The following MBTD1 variants were observed in gnomAD, a reference collection of about 807,000 sequenced individuals.
MBTD1 encodes the protein MBT domain-containing protein 1.
MBTD1 carries 24 observed loss-of-function variants against 87.8 expected under a neutral mutation model. That is an observed-to-expected ratio of 0.27 (90% CI 0.20 to 0.38). The LOEUF (loss-of-function observed/expected upper bound fraction) is 0.38. MBTD1 is among the 10% of genes least tolerant of loss of function. The pLI, the probability that MBTD1 is intolerant of heterozygous loss-of-function variation, is 1.00. For missense variants in MBTD1, 436 were observed against 760.2 expected (o/e 0.57, Z 5.02); for synonymous variants, 237 against 248.6 (o/e 0.95, Z 0.44).
intron 2 of MBTD1, among the ~76,000 whole-genome samples, chr17:51,239,622 T>G (rs1185957097): frequency 6.6e-6 from 1 of 152,148 alleles, no homozygotes; most frequent in South Asian, 2.1e-4. Context: ...GGCCAGAAAA[T>G]GCTTTTTTTG....
chr17:51,207,818 G>A (rs2051935793), intron 6 of MBTD1, among the ~76,000 whole-genome samples: 1 of 152,150 alleles, frequency 6.6e-6, no homozygotes, highest in African/African-American at 2.4e-5. Context: ...CAATTACTTG[G>A]AACTTATGCA....
intron 16 of MBTD1, chr17:51,184,240 A>C (rs1402826124): frequency 2.0e-5 from 3 of 152,228 alleles, no homozygotes; most frequent in Non-Finnish European, 1.5e-5. Context: ...AGGCCTTCTC[A>C]ATAAATGATG....
chr17:51,203,971 A>C (rs1408274498), intron 7 of MBTD1, 46 bp from the exon 8 acceptor site: 1 of 1,447,206 alleles, frequency 6.9e-7, no homozygotes, highest in Admixed American at 2.1e-5. Flanking sequence ...AATAAAATTA[A>C]ATAAAACAAT....
In MBTD1 at chr17:51,193,523, AC is replaced by A. The variant is rs754809706; in HGVS notation, c.1373-14del. The stretch of plus-strand genomic sequence containing the variant: ...AGTTTTGTGTAACCTAAAAAACACA[AC>A]TGGTTTAACTAGCAGTTCATTTAAA... On this transcript the variant is annotated splice_polypyrimidine_tract_variant and intron_variant, in intron 13 of 16. Transcript: ENST00000586178. The A allele has an allele frequency of 2.0e-5, 29 of 1,426,520 alleles. No homozygotes were observed. Among genetic ancestry groups the A allele is most frequent in the Non-Finnish European group, 2.9e-5 (29 of 1,014,492 alleles). The allele number at this position is 1,426,520 out of a possible 1,614,324, so 88.4% of individuals were successfully genotyped here.
chr17:51,202,125 CA>C, intron 10 of MBTD1, 48 bp from the exon 11 acceptor site: 6 of 1,152,228 alleles, frequency 5.2e-6, no homozygotes, highest in Non-Finnish European at 7.8e-6. Flanking sequence ...GTGAGAAGAC[CA>C]AAAACCACGT....
At chr17:51,194,274 A>G (rs565353295) in intron 13 of MBTD1, among the ~76,000 whole-genome samples, 1 of 152,334 alleles carries the variant, frequency 6.6e-6, no homozygotes, top group South Asian at 2.1e-4. Context: ...CCATCCTTTT[A>G]AAAGTCCACA....
At chr17:51,207,521 A>G (rs2143272931) in intron 6 of MBTD1, among the ~76,000 whole-genome samples, 1 of 152,342 alleles carries the variant, frequency 6.6e-6, no homozygotes, top group East Asian at 1.9e-4. Context: ...GTGAGGGAAA[A>G]GCACTGGATA....
At chr17:51,227,505 G>A (rs1285461311) in intron 2 of MBTD1, among the ~76,000 whole-genome samples, 1 of 151,742 alleles carries the variant, frequency 6.6e-6, no homozygotes, top group South Asian at 2.1e-4. Context: ...AGGCTGCAGT[G>A]AGCCACGATC....
At chr17:51,211,504 T>TAAA (rs35259426) in intron 6 of MBTD1, among the ~76,000 whole-genome samples, 41 of 135,194 alleles carry the variant, frequency 3.0e-4, no homozygotes, top group South Asian at 2.2e-3. Context: ...TGAGACTGTT[T>TAAA]AAAAAAAAAA....
At chr17:51,253,737 TAAA>T (rs1161363368) in intron 2 of MBTD1, among the ~76,000 whole-genome samples, 1 of 152,060 alleles carries the variant, frequency 6.6e-6, no homozygotes, top group Non-Finnish European at 1.5e-5. Context: ...GTGACAAAAT[TAAA>T]GAAGAGATCA....
intron 7 of MBTD1, 68 bp from the exon 8 acceptor site, chr17:51,203,993 TAGC>T: frequency 7.8e-7 from 1 of 1,282,694 alleles, no homozygotes; most frequent in Non-Finnish European, 1.1e-6. Context: ...CAGCATCTGA[TAGC>T]AGTTGTCAAA....
Position 51,239,923 on chromosome 17 carries a change from C to T in MBTD1, c.-48-14714G>A, listed in dbSNP as rs112001273. ...TTTCATCTGATCTACCATCCGTCCT[C>T]CAGTTTCGTCAACTGACTCAACAAC... On this transcript the variant is annotated intron_variant, in intron 2 of 16. Transcript: ENST00000586178. Among the ~76,000 whole-genome samples, 22 of 152,290 alleles carry T rather than the reference C, an allele frequency of 1.4e-4. 2 individuals are homozygous for T. Among genetic ancestry groups the T allele is most frequent in the African/African-American group, 5.3e-4 (22 of 41,552 alleles).
rs371847089 is a variant in MBTD1 at position 51,203,094 on chromosome 17, C to G, written c.828+46G>C. On this transcript the variant is annotated intron_variant, in intron 9 of 16. Coordinates refer to ENST00000586178, the MANE Select transcript of MBTD1 (RefSeq NM_017643.3). ...TTCCTTAAAAATGTTCTCTGTTACC[C>G]TTGTTTTTTAGAGCTCTTCAGTCTT... The G allele has an allele frequency of 3.4e-6, 5 of 1,456,990 alleles. No homozygotes were observed. In the African/African-American group the frequency reaches 5.7e-5, roughly 16 times the overall value. 90.3% of individuals were successfully genotyped at this position (1,456,990 alleles called of 1,614,324 possible). A position where few individuals can be genotyped will look rare whatever the true frequency, so the allele number is the denominator to read the frequency against.
chr17:51,203,029 A>C (rs958464099), intron 9 of MBTD1, 94 bp from the exon 10 acceptor site: 2 of 1,255,972 alleles, frequency 1.6e-6, no homozygotes, highest in Non-Finnish European at 2.3e-6. Flanking sequence ...AATGCACTTG[A>C]AATGTAACAC....
At chr17:51,184,300 C>T (rs746833381) in intron 16 of MBTD1, 2 of 152,200 alleles carry the variant, frequency 1.3e-5, no homozygotes, top group Non-Finnish European at 2.9e-5. Context: ...TACACAAATG[C>T]CTTTTCTTTT....
chr17:51,179,486 A>ATATATATATATATATTTATATT lies in MBTD1; in HGVS notation c.*1089_*1090insAATATAAATATATATATATATA, dbSNP rs2050205260. 6.7e-5 allele frequency: 1 copy of ATATATATATATATATTTATATT among 15,016 alleles called. No individual in the cohort carries two copies. Among genetic ancestry groups the ATATATATATATATATTTATATT allele is most frequent in the Non-Finnish European group, 1.4e-4 (1 of 7,318 alleles). The allele number at this position is 15,016 out of a possible 1,614,324, so 0.9% of individuals were successfully genotyped here. On this transcript the variant is annotated 3_prime_UTR_variant, in exon 17 of 17. Coordinates refer to ENST00000586178, the MANE Select transcript of MBTD1 (RefSeq NM_017643.3). Reference sequence around the variant, plus strand: ...CCTGAATACAATTAAAGACAATTTTATATATATATATATATATATATATAT... The same window carrying ATATATATATATATATTTATATT: ...CCTGAATACAATTAAAGACAATTTTATATATATATATATATTTATATTTATATATATATATATATATATATAT...
chr17:51,255,600 CT>C (rs1162659426), intron 2 of MBTD1, among the ~76,000 whole-genome samples: 275 of 141,076 alleles, frequency 1.9e-3, no homozygotes, highest in South Asian at 9.2e-3. Context: ...TTTTTTTTTC[CT>C]TTTTTTTTTT....
chr17:51,232,836 G>A (rs544909417), intron 2 of MBTD1, among the ~76,000 whole-genome samples: 22 of 151,828 alleles, frequency 1.4e-4, no homozygotes, highest in Non-Finnish European at 7.4e-5. Context: ...CCAGGAGTTC[G>A]AGACCAGCCT....
intron 2 of MBTD1, chr17:51,249,974 A>T (rs1373839481): frequency 6.6e-6 from 1 of 152,156 alleles, no homozygotes; most frequent in Non-Finnish European, 1.5e-5. Flanking sequence ...AGCTCTCTGC[A>T]GCCTTGACCT....
Sources: gnomAD v4.1 joint callset for allele counts (sites outside exome capture counted in the v4.1 genomes callset) on GRCh38, gnomAD v4.1.1 for gene constraint, MANE v1.5 for transcripts, NCBI Gene and HGNC (gene_info 2026-07-23, HGNC 2026-07-21) for gene names.